EPHB2: variants seen among roughly 807,000 people sequenced by gnomAD.
The protein encoded by EPHB2 is ephrin type-B receptor 2.
EPHB2 carries 18 observed loss-of-function variants against 96.4 expected under a neutral mutation model. The ratio of observed to expected loss-of-function variants is 0.19; its 90% CI spans 0.13 to 0.28. EPHB2 has a LOEUF of 0.28. Among genes scored for constraint, EPHB2 ranks in the 10% least tolerant of loss-of-function variants. The pLI is 1.00. For synonymous variants in EPHB2, 506 were observed against 534.1 expected (o/e 0.95, Z 0.72); for missense variants, 989 against 1,355.4 (o/e 0.73, Z 4.25).
At chr1:22,768,692 T>C (rs61768162) in intron 1 of EPHB2, among the ~76,000 whole-genome samples, 5 of 149,812 alleles carry the variant, frequency 3.3e-5, no homozygotes, top group Admixed American at 2.0e-4. Flanking sequence ...CCTGTCTCCA[T>C]TAAAAAAAAA....
chr1:22,852,301 A>G (rs1645635188), intron 3 of EPHB2, among the ~76,000 whole-genome samples: 1 of 152,130 alleles, frequency 6.6e-6, no homozygotes, highest in Non-Finnish European at 1.5e-5. Flanking sequence ...CCAGCAGCCC[A>G]TTTTGGGGAG....
At chr1:22,712,007 C>CA (rs1490049782) in intron 1 of EPHB2, among the ~76,000 whole-genome samples, 1 of 152,214 alleles carries the variant, frequency 6.6e-6, no homozygotes, top group African/African-American at 2.4e-5. Flanking sequence ...ATGGTTCTCA[C>CA]GTGTACTGCA....
chr1:22,866,432 T>A (rs1340539790), intron 5 of EPHB2, among the ~76,000 whole-genome samples: 1 of 152,002 alleles, frequency 6.6e-6, no homozygotes, highest in East Asian at 2.0e-4. Flanking sequence ...GAAGGACCAG[T>A]CGAAATTTTT....
chr1:22,835,541 A>G (rs1320691648), intron 3 of EPHB2, among the ~76,000 whole-genome samples: 1 of 152,262 alleles, frequency 6.6e-6, no homozygotes, highest in East Asian at 1.9e-4. Context: ...ACGAGTAGAC[A>G]TGCATGCATG....
chr1:22,772,250 C>T lies in EPHB2; in HGVS notation c.62-9171C>T, dbSNP rs16827502. ...TTTCAGCCGGGGCGGCCAGTGCTGG[C>T]GGATGCCCAGGCCAGCGGCAGGCAG... On this transcript the variant is annotated intron_variant, in intron 1 of 15. Transcript: ENST00000374630. 5.2e-3 allele frequency among the ~76,000 whole-genome samples: 795 copies of T among 152,228 alleles called. 7 individuals carry two copies. Among genetic ancestry groups the T allele is most frequent in the African/African-American group, 0.018 (749 of 41,538 alleles).
At chr1:22,822,325 A>G (rs891735250) in intron 3 of EPHB2, among the ~76,000 whole-genome samples, 5 of 143,852 alleles carry the variant, frequency 3.5e-5, no homozygotes, top group Non-Finnish European at 6.1e-5. Context: ...TCTATTTTTT[A>G]ATTTAAAAAA....
intron 3 of EPHB2, among the ~76,000 whole-genome samples, chr1:22,817,294 C>T (rs1373628485): frequency 6.6e-6 from 1 of 152,250 alleles, no homozygotes; most frequent in African/African-American, 2.4e-5. Context: ...TGTGTAAACT[C>T]ACTGAATCCT....
chr1:22,893,427 G>A (rs1437527734), intron 7 of EPHB2, among the ~76,000 whole-genome samples: 1 of 152,204 alleles, frequency 6.6e-6, no homozygotes, highest in Admixed American at 6.5e-5. Flanking sequence ...CAACTGGACT[G>A]AGAAGGATTC....
intron 6 of EPHB2, among the ~76,000 whole-genome samples, chr1:22,886,188 A>G (rs1247089456): frequency 6.6e-6 from 1 of 152,202 alleles, no homozygotes; most frequent in Non-Finnish European, 1.5e-5. Flanking sequence ...GTCTTGAAAG[A>G]TGCTAGGAGT....
intron 3 of EPHB2, among the ~76,000 whole-genome samples, chr1:22,856,575 G>T (rs1645702936): frequency 6.6e-6 from 1 of 152,180 alleles, no homozygotes; most frequent in South Asian, 2.1e-4. Flanking sequence ...TCTGGGACCA[G>T]TAGTATTTGG....
At chr1:22,805,219 T>C (rs1374552605) in intron 3 of EPHB2, among the ~76,000 whole-genome samples, 1 of 152,124 alleles carries the variant, frequency 6.6e-6, no homozygotes, top group Non-Finnish European at 1.5e-5. Context: ...GCCTGTTGAT[T>C]CTGAAGGACT....
In EPHB2 at chr1:22,913,459, A is replaced by C. The variant is rs1354325189; in HGVS notation, c.2853-3A>C. 2 of 1,614,006 alleles carry C rather than the reference A, an allele frequency of 1.2e-6. No individual in the cohort carries two copies. Among genetic ancestry groups the C allele is most frequent in the African/African-American group, 2.7e-5 (2 of 74,906 alleles). On this transcript the variant is annotated splice_region_variant and splice_polypyrimidine_tract_variant and intron_variant, in intron 15 of 15. Coordinates refer to ENST00000374630, the MANE Select transcript of EPHB2 (RefSeq NM_017449.5). This position sits in a 1 kb window ranked among gnomAD's most constrained non-coding sequence, Gnocchi z 4.1. ...CCCTAACACACGTGCTTCTCTCCCAAAGGGACATTCTCCGGGTTGGGGTCA... is the reference window on the plus strand; with the variant it reads ...CCCTAACACACGTGCTTCTCTCCCACAGGGACATTCTCCGGGTTGGGGTCA...
intron 1 of EPHB2, among the ~76,000 whole-genome samples, chr1:22,744,078 A>G (rs1014202959): frequency 1.6e-4 from 25 of 152,348 alleles, no homozygotes; most frequent in African/African-American, 6.0e-4. Flanking sequence ...TATTAACACA[A>G]TGAATCACCA....
intron 1 of EPHB2, among the ~76,000 whole-genome samples, chr1:22,766,698 G>C (rs897309893): frequency 2.6e-5 from 4 of 152,238 alleles, no homozygotes; most frequent in African/African-American, 9.6e-5. Context: ...CCCCATCAGA[G>C]AAGCATCCTG....
intron 1 of EPHB2, among the ~76,000 whole-genome samples, chr1:22,739,508 G>T (rs578033517): frequency 6.6e-6 from 1 of 152,190 alleles, no homozygotes; most frequent in Non-Finnish European, 1.5e-5. Context: ...GAGCCACTGT[G>T]CCTGGCCTGT....
intron 9 of EPHB2, among the ~76,000 whole-genome samples, chr1:22,903,231 T>G (rs1006032978): frequency 6.6e-6 from 1 of 152,236 alleles, no homozygotes; most frequent in Non-Finnish European, 1.5e-5. Context: ...CTGTACTTCC[T>G]CTTACCTCCC....
Position 22,905,979 on chromosome 1 carries a change from TC to T in EPHB2, c.1766-3del. The T allele has an allele frequency of 1.9e-6, 3 of 1,614,130 alleles. No homozygotes were observed. Among genetic ancestry groups the T allele is most frequent in the Admixed American group, 1.7e-5 (1 of 60,016 alleles). On this transcript the variant is annotated splice_region_variant and splice_polypyrimidine_tract_variant and intron_variant, in intron 9 of 15. Transcript: ENST00000374630. The stretch of plus-strand genomic sequence containing the variant: ...GTCCATATGACAGAGCCTGGTCTTG[TC>T]CCCCAGTGACCCCAGGCATGAAGAT...
At chr1:22,891,512 C>T (rs1011015375) in intron 6 of EPHB2, among the ~76,000 whole-genome samples, 1 of 152,234 alleles carries the variant, frequency 6.6e-6, no homozygotes, top group Admixed American at 6.5e-5. Context: ...GAACCCCAGT[C>T]CCAGCCTAGT....
intron 3 of EPHB2, among the ~76,000 whole-genome samples, chr1:22,791,502 G>C: frequency 7.4e-6 from 1 of 134,478 alleles, no homozygotes; most frequent in African/African-American, 2.8e-5. Context: ...CTTTCAGAGA[G>C]ACAGGATCTC....
Sources: gnomAD v4.1 joint callset for allele counts (sites outside exome capture counted in the v4.1 genomes callset) on GRCh38, gnomAD v4.1.1 for gene constraint, Gnocchi (gnomAD v3.1) non-coding constraint, MANE v1.5 for transcripts, NCBI Gene and HGNC (gene_info 2026-07-23, HGNC 2026-07-21) for gene names.